CAMTA1: variants seen among roughly 807,000 people sequenced by gnomAD.
CAMTA1 encodes the protein calmodulin-binding transcription activator 1.
Under a neutral mutation model 170.9 loss-of-function variants are expected in CAMTA1, and 27 were observed. The observed-to-expected ratio is 0.16, with a 90% CI of 0.12 to 0.22. CAMTA1 has a LOEUF of 0.22. CAMTA1 is among the 10% of genes least tolerant of loss of function. The probability of loss-of-function intolerance (pLI) is 1.00; values close to 1 mark genes in which losing one functional copy is unlikely to be tolerated. For synonymous variants in CAMTA1, 833 were observed against 891.5 expected (o/e 0.93, Z 1.17); for missense variants, 1,619 against 2,217.2 (o/e 0.73, Z 5.42).
chr1:7,149,553 C>T (rs749335108), intron 4 of CAMTA1, among the ~76,000 whole-genome samples: 1 of 152,238 alleles, frequency 6.6e-6, no homozygotes, highest in Non-Finnish European at 1.5e-5. Flanking sequence ...CTGGGATAAT[C>T]ATGCCACCTC....
chr1:7,298,273 C>T (rs573432179), intron 5 of CAMTA1, among the ~76,000 whole-genome samples: 10 of 152,166 alleles, frequency 6.6e-5, no homozygotes, highest in African/African-American at 2.4e-4. Context: ...CTGGGTATAA[C>T]AGTAGGGGCT....
rs761478415 is a variant in CAMTA1, at chr1:7,677,610, G to A, written c.2791G>A (p.Gly931Ser). The A allele has an allele frequency of 6.2e-7, 1 of 1,614,050 alleles. No individual in the cohort carries two copies. The highest frequency in any genetic ancestry group is 8.5e-7 in the Non-Finnish European group (1 of 1,179,944). The change falls in exon 11 of 23, where the codon GGT becomes AGT. Residue 931 changes from glycine to serine, a missense_variant. Coordinates refer to ENST00000303635, the MANE Select transcript of CAMTA1 (RefSeq NM_015215.4). ...TCTCTCGCTTTCAGCCCATGACACT[G>A]GTCTTGTGACCCTACAAGTTGCCTT... ...LRCYCPAHDT[G>S]LVTLQVAFNN...
At position 7,044,607 on chromosome 1, in the gene CAMTA1, C is replaced by T. The variant is rs147985262; in HGVS notation, c.235-46697C>T. 2.0e-4 allele frequency among the ~76,000 whole-genome samples: 31 copies of T among 152,332 alleles called. No homozygotes were observed. The East Asian group carries it at 5.6e-3, about 27-fold the overall frequency. On this transcript the variant is annotated intron_variant, in intron 3 of 22. Transcript: ENST00000303635. This position sits in a 1 kb window ranked among gnomAD's most constrained non-coding sequence, Gnocchi z 5.0. Reference sequence around the variant, plus strand: ...GGCAGATTCTGTGGTGGCGCTGAAACAGGAGACGTCCTCTCCGACCTTGGA... The same window carrying T: ...GGCAGATTCTGTGGTGGCGCTGAAATAGGAGACGTCCTCTCCGACCTTGGA...
Position 7,462,760 on chromosome 1 carries a change from C to T in CAMTA1, c.439-5070C>T, listed in dbSNP as rs58719138. Among the ~76,000 whole-genome samples, 498 of 152,298 alleles carry T rather than the reference C, an allele frequency of 3.3e-3. 3 individuals carry two copies. The highest frequency in any genetic ancestry group is 0.012 in the African/African-American group (482 of 41,560). On this transcript the variant is annotated intron_variant, in intron 5 of 22. Transcript: ENST00000303635. ...CTGCCCTGGCAGGGACCTAGTAACC[C>T]CCGAGGCCACCCGGCTCTCAAAGCT...
intron 5 of CAMTA1, among the ~76,000 whole-genome samples, chr1:7,464,663 G>A (rs755348860): frequency 2.6e-5 from 4 of 152,032 alleles, no homozygotes; most frequent in Admixed American, 1.3e-4. Flanking sequence ...TGCTTCCCTC[G>A]GCAAACCCTG....
At chr1:7,243,201 G>T (rs1665201980) in intron 4 of CAMTA1, among the ~76,000 whole-genome samples, 1 of 151,988 alleles carries the variant, frequency 6.6e-6, no homozygotes, top group South Asian at 2.1e-4. Context: ...TCTTCTTTTG[G>T]GAGGTTTATT....
In CAMTA1 at chr1:7,455,044, G is replaced by A. The variant is rs2092918125; in HGVS notation, c.439-12786G>A. ...TCCGTGCCAGAGCCTCGGAGGTTCC[G>A]ATGCACTCAGGGCCCTGGGGGCATC... is the stretch of plus-strand genomic sequence containing the variant. On this transcript the variant is annotated intron_variant, in intron 5 of 22. Coordinates refer to ENST00000303635, the MANE Select transcript of CAMTA1 (RefSeq NM_015215.4). This position sits in a 1 kb window ranked among gnomAD's most constrained non-coding sequence, Gnocchi z 5.0. Among the ~76,000 whole-genome samples, 1 of 152,162 alleles carries A rather than the reference G, an allele frequency of 6.6e-6. No individual in the cohort carries two copies. The highest frequency in any genetic ancestry group is 2.0e-4 in the East Asian group (1 of 5,050).
At chr1:7,517,248 C>T (rs1021756138) in intron 6 of CAMTA1, among the ~76,000 whole-genome samples, 1 of 152,150 alleles carries the variant, frequency 6.6e-6, no homozygotes. Context: ...TAACCAGGAT[C>T]CTTCTAATTA....
intron 5 of CAMTA1, among the ~76,000 whole-genome samples, chr1:7,320,012 G>T (rs1404330803): frequency 1.3e-5 from 2 of 151,894 alleles, no homozygotes; most frequent in Non-Finnish European, 2.9e-5. Context: ...CAGTACTCTG[G>T]GTATTTTCTA....
chr1:6,887,945 A>G lies in CAMTA1; in HGVS notation c.234+62735A>G, dbSNP rs1673675060. On this transcript the variant is annotated intron_variant, in intron 3 of 22. Transcript: ENST00000303635. The surrounding 1 kb of genome is among the most constrained non-coding windows in gnomAD (Gnocchi z 4.1). ...GCTCCGCAGCCTGACTGAGCTCTGG[A>G]GAGCAGGGCTCTGTGCACACGCCTC... is the stretch of plus-strand genomic sequence containing the variant. 2 of 1,308,808 alleles carry G rather than the reference A, an allele frequency of 1.5e-6. No homozygotes were observed. Among genetic ancestry groups the G allele is most frequent in the Non-Finnish European group, 2.0e-6 (2 of 1,020,746 alleles). 81.1% of individuals were successfully genotyped at this position (1,308,808 alleles called of 1,614,324 possible).
At chr1:6,878,776 G>A (rs562652432) in intron 3 of CAMTA1, among the ~76,000 whole-genome samples, 9 of 152,306 alleles carry the variant, frequency 5.9e-5, no homozygotes, top group Admixed American at 2.6e-4. Flanking sequence ...CACCATGACC[G>A]CTTGGGCTTC....
intron 4 of CAMTA1, among the ~76,000 whole-genome samples, chr1:7,126,716 G>A (rs1478914128): frequency 6.6e-6 from 1 of 152,104 alleles, no homozygotes; most frequent in Non-Finnish European, 1.5e-5. Flanking sequence ...CACCTATTTG[G>A]AACCTCATGC....
At chr1:7,647,242 T>A (rs1346883648) in intron 7 of CAMTA1, among the ~76,000 whole-genome samples, 1 of 143,638 alleles carries the variant, frequency 7.0e-6, no homozygotes, top group African/African-American at 2.5e-5. Context: ...CCTTTTGTTT[T>A]CTCATAATTT....
At chr1:6,905,756 T>C (rs1414517559) in intron 3 of CAMTA1, among the ~76,000 whole-genome samples, 1 of 152,212 alleles carries the variant, frequency 6.6e-6, no homozygotes, top group Non-Finnish European at 1.5e-5. Context: ...GTATCTGTCC[T>C]CATACTTAGA....
In CAMTA1 at chr1:7,680,812, G is replaced by GA. The variant is rs72505016; in HGVS notation, c.2914+3079_2914+3080insA. On this transcript the variant is annotated intron_variant, in intron 11 of 22. Coordinates refer to ENST00000303635, the MANE Select transcript of CAMTA1 (RefSeq NM_015215.4). The surrounding 1 kb of genome is among the most constrained non-coding windows in gnomAD (Gnocchi z 4.4). ...ATTTGTTTGCTTGGCTAAAGGCCGG[G>GA]GGGGGGCGTGGGTCCGGGGCGCAGA... is the stretch of plus-strand genomic sequence containing the variant. 2.2e-4 allele frequency among the ~76,000 whole-genome samples: 22 copies of GA among 101,394 alleles called. No homozygotes were observed. The highest frequency in any genetic ancestry group is 8.3e-4 in the African/African-American group (22 of 26,524). 66.5% of individuals were successfully genotyped at this position (101,394 alleles called of 152,430 possible). A position where few individuals can be genotyped will look rare whatever the true frequency, so the allele number is the denominator to read the frequency against.
intron 5 of CAMTA1, among the ~76,000 whole-genome samples, chr1:7,405,894 C>G (rs2149229855): frequency 6.6e-6 from 1 of 152,290 alleles, no homozygotes; most frequent in Non-Finnish European, 1.5e-5. Context: ...TGTTGGGGGA[C>G]AGAAGGGGGC....
intron 11 of CAMTA1, among the ~76,000 whole-genome samples, chr1:7,720,573 G>C (rs980743157): frequency 3.9e-5 from 6 of 152,060 alleles, no homozygotes; most frequent in African/African-American, 1.4e-4. Context: ...GTAGAGACGG[G>C]GTTCACCACA....
At chr1:7,199,479 G>T (rs1035930645) in intron 4 of CAMTA1, among the ~76,000 whole-genome samples, 3 of 152,206 alleles carry the variant, frequency 2.0e-5, no homozygotes, top group African/African-American at 7.2e-5. Flanking sequence ...CGACCCTAGG[G>T]CTGGGAAGTC....
chr1:6,896,417 C>T (rs938219880), intron 3 of CAMTA1, among the ~76,000 whole-genome samples: 6 of 152,164 alleles, frequency 3.9e-5, no homozygotes, highest in African/African-American at 1.2e-4. Context: ...ATCCAGCCTT[C>T]GGAGCCAGAT....
Sources: allele counts gnomAD v4.1 joint callset (sites outside exome capture counted in the v4.1 genomes callset), GRCh38; gene constraint gnomAD v4.1.1; non-coding constraint Gnocchi (gnomAD v3.1); transcripts MANE v1.5; gene names NCBI Gene and HGNC (gene_info 2026-07-23, HGNC 2026-07-21).